The following ST8SIA6 variants were observed in gnomAD, a reference collection of about 807,000 sequenced individuals.
ST8SIA6 encodes ST8 alpha-N-acetyl-neuraminide alpha-2,8-sialyltransferase 6, also known as alpha-2,8-sialyltransferase 8F.
A neutral mutation model predicts 33.6 loss-of-function variants in ST8SIA6; 39 were observed. That is an observed-to-expected ratio of 1.16 (90% CI 0.90 to 1.52). The LOEUF is 1.52. Ranked by LOEUF, ST8SIA6 falls within the 40% of genes most tolerant of loss-of-function variation. The pLI, the probability that ST8SIA6 is intolerant of heterozygous loss-of-function variation, is 0.00. For synonymous variants in ST8SIA6, 172 were observed against 167.2 expected, an observed-to-expected ratio of 1.03 and a Z score of -0.22; for missense variants, 441 against 443.8, an observed-to-expected ratio of 0.99 and a Z score of 0.06.
At chr10:17,436,089 C>CT (rs1401245376) in intron 2 of ST8SIA6, among the ~76,000 whole-genome samples, 1 of 152,214 alleles carries the variant, frequency 6.6e-6, no homozygotes, top group Non-Finnish European at 1.5e-5. Flanking sequence ...TGCTGCGACT[C>CT]TAAGACTAGT....
chr10:17,421,334 A>C (rs898303419), intron 2 of ST8SIA6, among the ~76,000 whole-genome samples: 3 of 152,186 alleles, frequency 2.0e-5, no homozygotes, highest in African/African-American at 7.2e-5. Flanking sequence ...TCCTGAGAGC[A>C]CTTCCTAATA....
At chr10:17,428,852 C>A (rs1006735364) in intron 2 of ST8SIA6, among the ~76,000 whole-genome samples, 1 of 152,144 alleles carries the variant, frequency 6.6e-6, no homozygotes, top group Non-Finnish European at 1.5e-5. Context: ...GCTATGTTGC[C>A]GACCATCTCG....
At chr10:17,408,551 T>G (rs1033586081) in intron 2 of ST8SIA6, among the ~76,000 whole-genome samples, 5 of 151,650 alleles carry the variant, frequency 3.3e-5, no homozygotes, top group African/African-American at 4.8e-5. Context: ...TCTCAGCTAC[T>G]TGGGAGACTG....
chr10:17,358,095 C>A (rs539259868), intron 4 of ST8SIA6, among the ~76,000 whole-genome samples: 1 of 152,306 alleles, frequency 6.6e-6, no homozygotes, highest in South Asian at 2.1e-4. Context: ...GCCTCTCTTC[C>A]TAAAATATCA....
chr10:17,399,267 G>A (rs1424460947), intron 2 of ST8SIA6: 2 of 152,168 alleles, frequency 1.3e-5, no homozygotes, highest in Non-Finnish European at 1.5e-5. Context: ...AAACAGCCTG[G>A]TGGGGATGAC....
intron 2 of ST8SIA6, among the ~76,000 whole-genome samples, chr10:17,391,999 A>G (rs572419182): frequency 6.6e-6 from 1 of 152,364 alleles, no homozygotes; most frequent in East Asian, 1.9e-4. Context: ...AAAAATATAT[A>G]TGCAACTCTA....
intron 2 of ST8SIA6, among the ~76,000 whole-genome samples, chr10:17,422,446 C>G (rs1851808565): frequency 1.3e-5 from 2 of 152,128 alleles, no homozygotes; most frequent in Non-Finnish European, 2.9e-5. Flanking sequence ...TCTGTCCTCC[C>G]ATAATTCTGA....
intron 3 of ST8SIA6, among the ~76,000 whole-genome samples, chr10:17,380,154 A>G (rs1364765379): frequency 6.6e-6 from 1 of 152,230 alleles, no homozygotes; most frequent in Admixed American, 6.5e-5. Flanking sequence ...GATGGAAGAC[A>G]GGTACCTCCT....
At chr10:17,447,766 C>T (rs566829763) in intron 2 of ST8SIA6, among the ~76,000 whole-genome samples, 137 of 152,196 alleles carry the variant, frequency 9.0e-4, no homozygotes, top group Non-Finnish European at 1.6e-3. Flanking sequence ...CACCCCTTTG[C>T]CACATGACCC....
intron 1 of ST8SIA6, among the ~76,000 whole-genome samples, 169 bp downstream of exon 1, chr10:17,453,986 C>G (rs1159605000): frequency 6.6e-6 from 1 of 152,090 alleles, no homozygotes; most frequent in Admixed American, 6.5e-5. Context: ...GGGTCGCCTC[C>G]CTGCGACCCC....
At chr10:17,399,253 A>T (rs1178395070) in intron 2 of ST8SIA6, 1 of 152,192 alleles carries the variant, frequency 6.6e-6, no homozygotes, top group Non-Finnish European at 1.5e-5. Flanking sequence ...TGCTGCCTTG[A>T]AGCAAACAGC....
chr10:17,374,745 A>T (rs1424378037), intron 3 of ST8SIA6, among the ~76,000 whole-genome samples: 23 of 88,072 alleles, frequency 2.6e-4, no homozygotes, highest in East Asian at 1.1e-3. Context: ...TAAATAAATA[A>T]ATAATAAATA....
intron 3 of ST8SIA6, among the ~76,000 whole-genome samples, chr10:17,364,984 A>G (rs375424770): frequency 2.5e-4 from 38 of 152,352 alleles, no homozygotes; most frequent in African/African-American, 8.7e-4. Flanking sequence ...TGAGCTAAGA[A>G]TTAAACTCAT....
At chr10:17,420,673 C>T (rs1851754636) in intron 2 of ST8SIA6, among the ~76,000 whole-genome samples, 1 of 152,186 alleles carries the variant, frequency 6.6e-6, no homozygotes, top group African/African-American at 2.4e-5. Context: ...GTTTTGTCTG[C>T]TGATGGCCCA....
chr10:17,446,134 C>T (rs567369397), intron 2 of ST8SIA6, among the ~76,000 whole-genome samples: 1 of 152,056 alleles, frequency 6.6e-6, no homozygotes, highest in East Asian at 1.9e-4. Context: ...ATCTTTTAGT[C>T]CCTGAGGTGG....
At chr10:17,385,789 G>A (rs1418537281) in intron 3 of ST8SIA6, among the ~76,000 whole-genome samples, 1 of 152,114 alleles carries the variant, frequency 6.6e-6, no homozygotes, top group Non-Finnish European at 1.5e-5. Context: ...TATAAAACCA[G>A]GCTGTGCCCC....
At chr10:17,381,247 G>A (rs1850142047) in intron 3 of ST8SIA6, among the ~76,000 whole-genome samples, 1 of 152,026 alleles carries the variant, frequency 6.6e-6, no homozygotes, top group African/African-American at 2.4e-5. Flanking sequence ...TTTCATCTGA[G>A]TTGTTTCCTT....
intron 2 of ST8SIA6, among the ~76,000 whole-genome samples, chr10:17,448,740 CT>C (rs1852808473): frequency 6.6e-6 from 1 of 151,540 alleles, no homozygotes; most frequent in South Asian, 2.1e-4. Context: ...CTCAGCCTCC[CT>C]AGTAGCTGGG....
In ST8SIA6 at chr10:17,390,672, A is replaced by G. The variant is rs1411904879; in HGVS notation, c.201-52T>C. On this transcript the variant is annotated intron_variant, in intron 2 of 7. Coordinates refer to ENST00000377602, the MANE Select transcript of ST8SIA6 (RefSeq NM_001004470.3). ...AGATTGATTTAAAATGAGAGCTTAT[A>G]AGATATTGTTAACAAAAATCAGATT... 2.8e-6 allele frequency: 4 copies of G among 1,444,210 alleles called. No homozygotes were observed. In the South Asian group the frequency reaches 4.8e-5, roughly 17 times the overall value. 89.5% of individuals were successfully genotyped at this position (1,444,210 alleles called of 1,614,324 possible). A position where few individuals can be genotyped will look rare whatever the true frequency, so the allele number is the denominator to read the frequency against.
Sources: gnomAD v4.1 joint callset for allele counts (sites outside exome capture counted in the v4.1 genomes callset) on GRCh38, gnomAD v4.1.1 for gene constraint, MANE v1.5 for transcripts, NCBI Gene and HGNC (gene_info 2026-07-23, HGNC 2026-07-21) for gene names.